Variants in FOXP2 observed in about 807,000 individuals in gnomAD.
FOXP2 encodes forkhead box protein P2.
Under a neutral mutation model 115.8 loss-of-function variants are expected in FOXP2, and 12 were observed. That is an observed-to-expected ratio of 0.10 (90% confidence interval 0.07 to 0.17). FOXP2 has a LOEUF of 0.17. Among genes scored for constraint, FOXP2 ranks in the 10% least tolerant of loss-of-function variants. The probability of loss-of-function intolerance (pLI) is 1.00; values close to 1 mark genes in which losing one functional copy is unlikely to be tolerated. For synonymous variants in FOXP2, 328 were observed against 297.7 expected, an observed-to-expected ratio of 1.10 and a Z score of -1.05; for missense variants, 629 against 843.5, an observed-to-expected ratio of 0.75 and a Z score of 3.15.
At chr7:114,188,091 C>A (rs1266589999) in intron 1 of FOXP2, among the ~76,000 whole-genome samples, 2 of 152,146 alleles carry the variant, frequency 1.3e-5, no homozygotes, top group African/African-American at 4.8e-5. Flanking sequence ...CTGACAGAAT[C>A]TCATGGCACC....
At chr7:114,488,896 C>T (rs891428755) in intron 2 of FOXP2, among the ~76,000 whole-genome samples, 3 of 151,810 alleles carry the variant, frequency 2.0e-5, no homozygotes, top group Non-Finnish European at 4.4e-5. Flanking sequence ...AATGAGCTCA[C>T]AAACAGGAAA....
At chr7:114,293,787 C>A (rs796756945) in intron 2 of FOXP2, among the ~76,000 whole-genome samples, 1 of 152,112 alleles carries the variant, frequency 6.6e-6, no homozygotes, top group Non-Finnish European at 1.5e-5. Context: ...GAGGCCTCCC[C>A]AGCCATGTGG....
At chr7:114,148,089 TACTC>T (rs1792425032) in intron 1 of FOXP2, among the ~76,000 whole-genome samples, 1 of 152,176 alleles carries the variant, frequency 6.6e-6, no homozygotes, top group Admixed American at 6.6e-5. Context: ...CACACATAAA[TACTC>T]ACAGCTTGAT....
intron 2 of FOXP2, among the ~76,000 whole-genome samples, chr7:114,354,390 T>C (rs1208628660): frequency 6.6e-6 from 1 of 152,122 alleles, no homozygotes; most frequent in Non-Finnish European, 1.5e-5. Context: ...TATATATGTA[T>C]ATATAAAACC....
At chr7:114,227,529 G>C (rs1794772038) in intron 1 of FOXP2, among the ~76,000 whole-genome samples, 1 of 151,624 alleles carries the variant, frequency 6.6e-6, no homozygotes, top group Non-Finnish European at 1.5e-5. Context: ...GGAGTTCTAA[G>C]TCTTTCTTGA....
At chr7:114,601,291 T>C (rs1021258369) in intron 3 of FOXP2, among the ~76,000 whole-genome samples, 8 of 152,172 alleles carry the variant, frequency 5.3e-5, no homozygotes, top group African/African-American at 1.9e-4. Context: ...AACTGTGTTT[T>C]GCAGAATAGA....
intron 1 of FOXP2, among the ~76,000 whole-genome samples, chr7:114,166,243 AAATTAAT>A (rs1204231896): frequency 6.6e-6 from 1 of 152,178 alleles, no homozygotes; most frequent in East Asian, 1.9e-4. Flanking sequence ...TCCATGAAAA[AAATTAAT>A]AAGTTGGATT....
chr7:114,154,983 A>T (rs1029298288), intron 1 of FOXP2, among the ~76,000 whole-genome samples: 1 of 152,102 alleles, frequency 6.6e-6, no homozygotes, highest in South Asian at 2.1e-4. Context: ...ACCAATCTTG[A>T]CCCAAAGATT....
rs553378425 is a variant in FOXP2, at chr7:114,480,342, C to A, written c.168+53663C>A. On this transcript the variant is annotated intron_variant, in intron 2 of 16. Transcript: ENST00000350908. Reference sequence around the variant, plus strand: ...GAGTTAAAGTCTACCATGTAAAAAACAAAAACAAAATCACTACTGGAAAGT... The same window carrying A: ...GAGTTAAAGTCTACCATGTAAAAAAAAAAAACAAAATCACTACTGGAAAGT... Among the ~76,000 whole-genome samples the A allele has an allele frequency of 7.3e-5, 11 of 151,434 alleles. No homozygotes were observed. In the South Asian group the frequency reaches 2.3e-3, roughly 31 times the overall value.
chr7:114,649,798 T>G (rs1406470522), intron 8 of FOXP2, among the ~76,000 whole-genome samples: 1 of 152,022 alleles, frequency 6.6e-6, no homozygotes, highest in African/African-American at 2.4e-5. Context: ...AAGTTCTCAG[T>G]AATCCACTGG....
At chr7:114,352,875 G>A (rs527251443) in intron 2 of FOXP2, among the ~76,000 whole-genome samples, 1 of 152,158 alleles carries the variant, frequency 6.6e-6, no homozygotes, top group South Asian at 2.1e-4. Flanking sequence ...TATATTTACA[G>A]TGTTCTTCAC....
rs150923497 is a variant in FOXP2, at chr7:114,203,249, T to C, written c.-102+40161T>C. Reference sequence around the variant, plus strand: ...TTTAATAAATGTTAGTTTCTTTCCCTGCATTTCCCAGTCTTTCTACCTATA... The same window carrying C: ...TTTAATAAATGTTAGTTTCTTTCCCCGCATTTCCCAGTCTTTCTACCTATA... On this transcript the variant is annotated intron_variant, in intron 1 of 17. Coordinates refer to the FOXP2 transcript ENST00000634411. 7.9e-5 allele frequency among the ~76,000 whole-genome samples: 12 copies of C among 152,354 alleles called. 1 individual carries two copies. In the East Asian group the frequency reaches 2.1e-3, roughly 27 times the overall value.
chr7:114,357,779 C>T (rs1791650588), intron 2 of FOXP2, among the ~76,000 whole-genome samples: 1 of 152,016 alleles, frequency 6.6e-6, no homozygotes, highest in Non-Finnish European at 1.5e-5. Flanking sequence ...ACATTTATTC[C>T]ACTGAATATT....
intron 3 of FOXP2, among the ~76,000 whole-genome samples, chr7:114,541,367 G>A (rs1173463135): frequency 1.3e-5 from 2 of 151,876 alleles, no homozygotes; most frequent in Non-Finnish European, 2.9e-5. Context: ...AGACAAGAGG[G>A]GACTAGAGCA....
rs1368699095 is a variant in FOXP2, at chr7:114,575,090, A to G, written c.258+40384A>G. ...ATTCATCTCTCTCTTGAGGCTTTACATAAATCCTACACAACACCAAATAAT... is the reference window on the plus strand; with the variant it reads ...ATTCATCTCTCTCTTGAGGCTTTACGTAAATCCTACACAACACCAAATAAT... On this transcript the variant is annotated intron_variant, in intron 3 of 16. Coordinates refer to ENST00000350908, the MANE Select transcript of FOXP2 (RefSeq NM_014491.4). Among the ~76,000 whole-genome samples the G allele has an allele frequency of 5.3e-5, 8 of 151,856 alleles. No homozygotes were observed. In the East Asian group the frequency reaches 1.5e-3, roughly 29 times the overall value.
In FOXP2 at chr7:114,529,396, T is replaced by C. The variant is rs962528160; in HGVS notation, c.169-5221T>C. Among the ~76,000 whole-genome samples, 4 of 152,042 alleles carry C rather than the reference T, an allele frequency of 2.6e-5. No homozygotes were observed. In the South Asian group the frequency reaches 8.3e-4, roughly 32 times the overall value. On this transcript the variant is annotated intron_variant, in intron 2 of 16. Transcript: ENST00000350908. ...CCATTCCATCACACATTCAATACCC[T>C]GATTGTCTCTCCTTTGGCTCTACAT...
intron 2 of FOXP2, among the ~76,000 whole-genome samples, chr7:114,363,904 A>G (rs1291454671): frequency 6.6e-6 from 1 of 152,280 alleles, no homozygotes; most frequent in African/African-American, 2.4e-5. Flanking sequence ...CCTGTCTATA[A>G]GAGATATTTG....
chr7:114,520,930 T>C (rs1381697377), intron 2 of FOXP2, among the ~76,000 whole-genome samples: 1 of 152,108 alleles, frequency 6.6e-6, no homozygotes, highest in Non-Finnish European at 1.5e-5. Flanking sequence ...TTTTGGGAGA[T>C]AATTACAAGG....
chr7:114,181,268 T>C, intron 1 of FOXP2, among the ~76,000 whole-genome samples: 1 of 91,252 alleles, frequency 1.1e-5, no homozygotes, highest in South Asian at 4.0e-4. Context: ...GATTTTATCC[T>C]AATAAATTAA....
Sources: allele counts gnomAD v4.1 joint callset (sites outside exome capture counted in the v4.1 genomes callset), GRCh38; gene constraint gnomAD v4.1.1; transcripts MANE v1.5; gene names NCBI Gene and HGNC (gene_info 2026-07-23, HGNC 2026-07-21).